Variants in ABI3BP observed in about 807,000 individuals in gnomAD.
ABI3BP encodes the protein target of Nesh-SH3.
In ABI3BP, 216 loss-of-function variants were observed where a neutral mutation model predicts 268.6. The ratio of observed to expected loss-of-function variants is 0.80; its 90% confidence interval spans 0.72 to 0.90. The LOEUF is 0.90. ABI3BP is among the 40% of genes least tolerant of loss of function. The pLI is 0.00. For synonymous variants in ABI3BP, 730 were observed against 730.0 expected (o/e 1.00, Z 0.00); for missense variants, 2,090 against 2,182.4 (o/e 0.96, Z 0.84).
chr3:100,923,515 C>G (rs963383775), intron 2 of ABI3BP, among the ~76,000 whole-genome samples: 2 of 152,048 alleles, frequency 1.3e-5, no homozygotes, highest in Non-Finnish European at 2.9e-5. Flanking sequence ...TTGATAAAAA[C>G]CCATTAAATA....
rs547932864 is a variant in ABI3BP, at chr3:100,834,798, T to C, written c.2192-25A>G. ...GCTAAAGAAAGGAAACTGGTTATTGTAGTCATATGACTCCAGAAACCAAAG... is the reference window on the plus strand; with the variant it reads ...GCTAAAGAAAGGAAACTGGTTATTGCAGTCATATGACTCCAGAAACCAAAG... On this transcript the variant is annotated intron_variant, in intron 28 of 67. Coordinates refer to ENST00000471714, the MANE Select transcript of ABI3BP (RefSeq NM_001375547.2). 5.4e-5 allele frequency: 82 copies of C among 1,527,498 alleles called. No homozygotes were observed. The Admixed American group carries it at 1.5e-3, about 28-fold the overall frequency. The allele number at this position is 1,527,498 out of a possible 1,614,324, so 94.6% of individuals were successfully genotyped here. A position where few individuals can be genotyped will look rare whatever the true frequency, so the allele number is the denominator to read the frequency against.
intron 15 of ABI3BP, among the ~76,000 whole-genome samples, chr3:100,851,433 C>T (rs1014856186): frequency 6.6e-6 from 1 of 152,162 alleles, no homozygotes; most frequent in South Asian, 2.1e-4. Context: ...CACCCCTCAT[C>T]TCTACCCACT....
In ABI3BP at chr3:100,765,920, A is replaced by G. The variant is rs1250188319; in HGVS notation, c.4771T>C (p.Ser1591Pro). The change falls in exon 63 of 68, where the codon TCA becomes CCA. Residue 1591 changes from serine to proline, a missense_variant. Transcript: ENST00000471714. ...EYEVISRENG[S>P]FSGKNKSIQM... ...ATGGACTTGTTCTTCCCACTGAATG[A>G]CCCATTTTCTCTGGATATAACTTCA... 1 of 1,612,552 alleles carries G rather than the reference A, an allele frequency of 6.2e-7. No individual in the cohort carries two copies. Among genetic ancestry groups the G allele is most frequent in the African/African-American group, 1.3e-5 (1 of 75,014 alleles).
At chr3:100,764,741 T>C (rs557276371) in intron 63 of ABI3BP, among the ~76,000 whole-genome samples, 1 of 152,308 alleles carries the variant, frequency 6.6e-6, no homozygotes, top group East Asian at 1.9e-4. Context: ...TCAAATATAT[T>C]ATGGCAAAAC....
At chr3:100,798,962 G>A (rs1216375872) in intron 51 of ABI3BP, among the ~76,000 whole-genome samples, 2 of 152,042 alleles carry the variant, frequency 1.3e-5, no homozygotes, top group Non-Finnish European at 2.9e-5. Flanking sequence ...GCTACCTGCT[G>A]GCTTTCCCTG....
chr3:100,765,077 C>A, intron 63 of ABI3BP, among the ~76,000 whole-genome samples: 1 of 143,746 alleles, frequency 7.0e-6, no homozygotes. Context: ...TAATTCAATT[C>A]AATCAATTGA....
intron 1 of ABI3BP, among the ~76,000 whole-genome samples, chr3:100,932,473 T>C (rs1312271245): frequency 6.6e-6 from 1 of 151,946 alleles, no homozygotes; most frequent in African/African-American, 2.4e-5. Flanking sequence ...CCAGAATCTA[T>C]AAGAAACTTG....
intron 63 of ABI3BP, among the ~76,000 whole-genome samples, chr3:100,755,203 TC>T (rs1032746732): frequency 2.6e-5 from 4 of 152,234 alleles, no homozygotes; most frequent in African/African-American, 9.6e-5. Flanking sequence ...AAGTGTCTTG[TC>T]CTACTCTAGG....
chr3:100,980,509 C>T (rs902840715), intron 1 of ABI3BP, among the ~76,000 whole-genome samples: 2 of 152,092 alleles, frequency 1.3e-5, no homozygotes, highest in Admixed American at 6.5e-5. Context: ...AGTCTAAAAG[C>T]CAACAGAACA....
intron 2 of ABI3BP, among the ~76,000 whole-genome samples, chr3:100,904,923 A>G (rs1473951695): frequency 6.6e-6 from 1 of 152,232 alleles, no homozygotes; most frequent in Non-Finnish European, 1.5e-5. Flanking sequence ...ATATACCCAA[A>G]GGATTATAAA....
chr3:100,755,282 C>T (rs2095556644), intron 63 of ABI3BP, among the ~76,000 whole-genome samples: 1 of 152,138 alleles, frequency 6.6e-6, no homozygotes, highest in Non-Finnish European at 1.5e-5. Context: ...CATGTGCCCA[C>T]TGAAGTTTGA....
chr3:100,776,410 C>T (rs1051010863), intron 59 of ABI3BP, among the ~76,000 whole-genome samples: 3 of 152,194 alleles, frequency 2.0e-5, no homozygotes, highest in African/African-American at 7.2e-5. Flanking sequence ...CCAGAGTTGA[C>T]AGAGACAACA....
intron 66 of ABI3BP, chr3:100,752,481 C>T (rs1037686760): frequency 5.2e-5 from 13 of 249,558 alleles, no homozygotes; most frequent in Admixed American, 9.9e-5. Context: ...TATTGTCAGT[C>T]GGTTTTTTTA....
At chr3:100,985,184 C>T (rs2091247951) in intron 1 of ABI3BP, among the ~76,000 whole-genome samples, 1 of 118,660 alleles carries the variant, frequency 8.4e-6, no homozygotes, top group South Asian at 2.9e-4. Flanking sequence ...GAGTCTTGCT[C>T]TGTCGCCCAG....
chr3:100,878,423 G>T (rs2099186590), intron 6 of ABI3BP, among the ~76,000 whole-genome samples: 1 of 152,170 alleles, frequency 6.6e-6, no homozygotes, highest in Admixed American at 6.5e-5. Context: ...TTTATAAGCA[G>T]AAAAAGTTAT....
chr3:100,824,284 CAT>C (rs2098318735), intron 36 of ABI3BP, among the ~76,000 whole-genome samples: 2 of 152,178 alleles, frequency 1.3e-5, no homozygotes, highest in Non-Finnish European at 2.9e-5. Context: ...TGACCCAACA[CAT>C]GTGGTCCTTC....
intron 1 of ABI3BP, among the ~76,000 whole-genome samples, chr3:100,983,252 C>T (rs2090427160): frequency 6.6e-6 from 1 of 152,144 alleles, no homozygotes; most frequent in East Asian, 1.9e-4. Context: ...ATTAGAGAAA[C>T]AGTGGAATAC....
intron 1 of ABI3BP, among the ~76,000 whole-genome samples, chr3:100,975,048 A>G (rs1317505297): frequency 1.3e-5 from 2 of 152,174 alleles, no homozygotes; most frequent in Non-Finnish European, 2.9e-5. Flanking sequence ...AGTTATTTTG[A>G]TAAGAAGTTA....
At chr3:100,773,013 G>C (rs1238625264) in intron 61 of ABI3BP, among the ~76,000 whole-genome samples, 1 of 150,996 alleles carries the variant, frequency 6.6e-6, no homozygotes, top group Non-Finnish European at 1.5e-5. Context: ...AGGAAGCGGA[G>C]GTTGCAGTGA....
Sources: gnomAD v4.1 joint callset for allele counts (sites outside exome capture counted in the v4.1 genomes callset) on GRCh38, gnomAD v4.1.1 for gene constraint, MANE v1.5 for transcripts, NCBI Gene and HGNC (gene_info 2026-07-23, HGNC 2026-07-21) for gene names.